Variants in ADAMTS20 observed in about 807,000 individuals in gnomAD.
The protein encoded by ADAMTS20 is A disintegrin and metalloproteinase with thrombospondin motifs 20.
In ADAMTS20, 225 loss-of-function variants were observed where a neutral mutation model predicts 260.1. The ratio of observed to expected loss-of-function variants is 0.87; its 90% confidence interval spans 0.78 to 0.97. The LOEUF is 0.97. Ranked by LOEUF, ADAMTS20 falls within the 50% of genes least tolerant of loss-of-function variation. The probability of loss-of-function intolerance (pLI) is 0.00; values close to 1 mark genes in which losing one functional copy is unlikely to be tolerated. For missense variants in ADAMTS20, 2,400 were observed against 2,337.7 expected (o/e 1.03, Z -0.55); for synonymous variants, 802 against 769.5 (o/e 1.04, Z -0.70).
chr12:43,471,258 G>A (rs1016341738), intron 7 of ADAMTS20, among the ~76,000 whole-genome samples: 4 of 152,136 alleles, frequency 2.6e-5, no homozygotes, highest in Admixed American at 6.5e-5. Context: ...GCTCCCACCC[G>A]AATATTGCGC....
chr12:43,396,932 C>T (rs914577350), intron 29 of ADAMTS20, among the ~76,000 whole-genome samples: 3 of 152,148 alleles, frequency 2.0e-5, no homozygotes, highest in East Asian at 1.9e-4. Flanking sequence ...CTCCCACTTC[C>T]ACTCCCATGC....
chr12:43,537,098 T>C (rs1210770922), intron 2 of ADAMTS20, among the ~76,000 whole-genome samples: 1 of 152,168 alleles, frequency 6.6e-6, no homozygotes, highest in Non-Finnish European at 1.5e-5. Context: ...TGTATGTATT[T>C]ATTTATTGTT....
At chr12:43,492,466 T>G in intron 6 of ADAMTS20, 39 bp downstream of exon 6, 1 of 1,591,252 alleles carries the variant, frequency 6.3e-7, no homozygotes, top group Non-Finnish European at 8.6e-7. Context: ...GAGGGAAGAG[T>G]AAAGGATTGT....
intron 4 of ADAMTS20, among the ~76,000 whole-genome samples, chr12:43,494,740 T>A (rs539314726): frequency 7.8e-4 from 116 of 148,098 alleles, no homozygotes; most frequent in Non-Finnish European, 1.5e-3. Flanking sequence ...ACAGTTGAAT[T>A]TATATATTCA....
intron 35 of ADAMTS20, among the ~76,000 whole-genome samples, 193 bp downstream of exon 35, chr12:43,375,864 A>G (rs2137211352): frequency 6.6e-6 from 1 of 152,382 alleles, no homozygotes; most frequent in East Asian, 1.9e-4. Context: ...AATATTAACA[A>G]TACATGTTAG....
chr12:43,390,906 C>T (rs1460401627), intron 29 of ADAMTS20, among the ~76,000 whole-genome samples: 6 of 152,214 alleles, frequency 3.9e-5, no homozygotes, highest in African/African-American at 1.2e-4. Flanking sequence ...AGTCATTACC[C>T]AGTTCCAAAA....
At chr12:43,378,837 A>G (rs1337405332) in intron 31 of ADAMTS20, among the ~76,000 whole-genome samples, 2 of 152,240 alleles carry the variant, frequency 1.3e-5, no homozygotes, top group Non-Finnish European at 2.9e-5. Context: ...AGCAGTGACA[A>G]AATGGGCAAA....
intron 14 of ADAMTS20, among the ~76,000 whole-genome samples, chr12:43,451,731 C>T (rs1941867072): frequency 6.6e-6 from 1 of 152,042 alleles, no homozygotes; most frequent in Non-Finnish European, 1.5e-5. Context: ...ATGCCTATTT[C>T]CCCCACAAAT....
intron 37 of ADAMTS20, among the ~76,000 whole-genome samples, chr12:43,366,833 T>G (rs1036084564): frequency 6.6e-6 from 1 of 151,758 alleles, no homozygotes; most frequent in Non-Finnish European, 1.5e-5. Context: ...AATGCCTATA[T>G]TAAAAAGGAA....
intron 31 of ADAMTS20, among the ~76,000 whole-genome samples, chr12:43,380,184 C>CA (rs1186005175): frequency 6.6e-6 from 1 of 151,962 alleles, no homozygotes; most frequent in African/African-American, 2.4e-5. Flanking sequence ...GAAGAATGGA[C>CA]AAAAAATATG....
At chr12:43,484,054 A>G (rs893498505) in intron 7 of ADAMTS20, among the ~76,000 whole-genome samples, 8 of 152,206 alleles carry the variant, frequency 5.3e-5, no homozygotes, top group African/African-American at 9.7e-5. Context: ...AAGATTTTCT[A>G]TAATCAAGGA....
chr12:43,468,175 A>G (rs1210394115), intron 8 of ADAMTS20, among the ~76,000 whole-genome samples: 2 of 152,208 alleles, frequency 1.3e-5, no homozygotes, highest in African/African-American at 4.8e-5. Context: ...TCCCATGGGC[A>G]ATATCCTCTG....
chr12:43,472,861 G>A (rs1449895309), intron 7 of ADAMTS20, among the ~76,000 whole-genome samples: 24 of 148,150 alleles, frequency 1.6e-4, no homozygotes, highest in South Asian at 6.6e-4. Context: ...AGGAACAACC[G>A]GTACCAGCCA....
At chr12:43,366,333 C>T (rs1428081667) in intron 37 of ADAMTS20, among the ~76,000 whole-genome samples, 1 of 151,378 alleles carries the variant, frequency 6.6e-6, no homozygotes, top group African/African-American at 2.4e-5. Context: ...ATAAATGAAA[C>T]AAAACAAAAT....
chr12:43,378,051 T>C (rs1318661198), intron 31 of ADAMTS20, among the ~76,000 whole-genome samples: 1 of 152,054 alleles, frequency 6.6e-6, no homozygotes. Flanking sequence ...AAAGCCCCAA[T>C]CCAAAAATGG....
At position 43,511,126 on chromosome 12, in the gene ADAMTS20, G is replaced by C. The variant is rs529234805; in HGVS notation, c.614-8721C>G. Among the ~76,000 whole-genome samples, 5 of 152,154 alleles carry C rather than the reference G, an allele frequency of 3.3e-5. No individual in the cohort carries two copies. In the South Asian group the frequency reaches 8.3e-4, roughly 25 times the overall value. On this transcript the variant is annotated intron_variant, in intron 3 of 38. Coordinates refer to ENST00000389420, the MANE Select transcript of ADAMTS20 (RefSeq NM_025003.5). Reference sequence around the variant, plus strand: ...TGCTCCTTGTATTGCTTCTCCTGCAGAGTCCTTGCCTCCAAACTCATTCAG... The same window carrying C: ...TGCTCCTTGTATTGCTTCTCCTGCACAGTCCTTGCCTCCAAACTCATTCAG...
chr12:43,529,598 C>T (rs1400868412), intron 3 of ADAMTS20, among the ~76,000 whole-genome samples: 1 of 151,982 alleles, frequency 6.6e-6, no homozygotes, highest in Non-Finnish European at 1.5e-5. Context: ...GTGGGAGCTA[C>T]GCTATGAGTA....
At position 43,551,730 on chromosome 12, in the gene ADAMTS20, C is replaced by A. The variant is rs1356452438; in HGVS notation, c.91+101G>T. 8 of 1,222,714 alleles carry A rather than the reference C, an allele frequency of 6.5e-6. No individual in the cohort carries two copies. The African/African-American group carries it at 1.0e-4, about 16-fold the overall frequency. The allele number at this position is 1,222,714 out of a possible 1,614,324, so 75.7% of individuals were successfully genotyped here. ...GTCCCGGGAGCTCCAGCAGGGCCAG[C>A]GTTCCCCAACGGGCTGAGCCGCTCG... On this transcript the variant is annotated intron_variant, in intron 1 of 38. Transcript: ENST00000389420. This position sits in a 1 kb window ranked among gnomAD's most constrained non-coding sequence, Gnocchi z 4.6.
chr12:43,422,298 C>T (rs1018154602), intron 28 of ADAMTS20, among the ~76,000 whole-genome samples: 1 of 151,974 alleles, frequency 6.6e-6, no homozygotes, highest in African/African-American at 2.4e-5. Flanking sequence ...CTCATACACA[C>T]ACACATGCAT....
Sources: gnomAD v4.1 joint callset for allele counts (sites outside exome capture counted in the v4.1 genomes callset) on GRCh38, gnomAD v4.1.1 for gene constraint, Gnocchi (gnomAD v3.1) non-coding constraint, MANE v1.5 for transcripts, NCBI Gene and HGNC (gene_info 2026-07-23, HGNC 2026-07-21) for gene names.